The following PCDHA13 variants were observed in gnomAD, a reference collection of about 807,000 sequenced individuals.
The protein encoded by PCDHA13 is protocadherin alpha 13.
PCDHA13 carries 54 observed loss-of-function variants against 64.8 expected under a neutral mutation model. The observed-to-expected ratio is 0.83, with a 90% CI of 0.67 to 1.04. PCDHA13 has a LOEUF of 1.04. Ranked by LOEUF, PCDHA13 falls within the 50% of genes least tolerant of loss-of-function variation. The pLI is 0.00. For synonymous variants in PCDHA13, 587 were observed against 564.4 expected (o/e 1.04, Z -0.57); for missense variants, 1,248 against 1,254.3 (o/e 0.99, Z 0.08).
intron 1 of PCDHA13, chr5:140,966,708 C>T (rs1033433543): frequency 1.7e-5 from 23 of 1,384,632 alleles, no homozygotes; most frequent in African/African-American, 6.1e-5. Context: ...GCGTGGGGCA[C>T]GGCTGGGGAA....
At chr5:140,992,950 C>T (rs1435932636) in intron 3 of PCDHA13, among the ~76,000 whole-genome samples, 1 of 152,216 alleles carries the variant, frequency 6.6e-6, no homozygotes, top group East Asian at 1.9e-4. Context: ...GAGATTAAAT[C>T]ACCCCTTATA....
At chr5:140,998,122 A>G (rs2097797315) in intron 3 of PCDHA13, among the ~76,000 whole-genome samples, 1 of 152,214 alleles carries the variant, frequency 6.6e-6, no homozygotes, top group Admixed American at 6.5e-5. Flanking sequence ...TTACTTGTGA[A>G]TCATAATAGC....
chr5:140,942,310 C>T (rs782391809), intron 1 of PCDHA13, among the ~76,000 whole-genome samples: 14 of 151,402 alleles, frequency 9.2e-5, no homozygotes, highest in East Asian at 1.9e-4. Flanking sequence ...CTTGGGAGGT[C>T]GAGGCACAAG....
chr5:140,984,458 C>T (rs1363789281), intron 3 of PCDHA13, among the ~76,000 whole-genome samples: 2 of 152,140 alleles, frequency 1.3e-5, no homozygotes, highest in African/African-American at 4.8e-5. Flanking sequence ...CTTACTGTCC[C>T]AGCCCCTCTT....
Position 140,968,579 on chromosome 5 carries a change from A to G in PCDHA13, c.2395-10370A>G, listed in dbSNP as rs1554230883. On this transcript the variant is annotated intron_variant, in intron 1 of 3. Coordinates refer to ENST00000289272, the MANE Select transcript of PCDHA13 (RefSeq NM_018904.3). ...AACTGCCCCTGCTGGCTACCTGGTCACCAAAGTCATAGCTATGGACTCAGA... is the reference window on the plus strand; with the variant it reads ...AACTGCCCCTGCTGGCTACCTGGTCGCCAAAGTCATAGCTATGGACTCAGA... 6 of 1,614,182 alleles carry G rather than the reference A, an allele frequency of 3.7e-6. No homozygotes were observed. The highest frequency in any genetic ancestry group is 5.1e-6 in the Non-Finnish European group (6 of 1,180,042).
Position 140,882,931 on chromosome 5 carries a change from G to A in PCDHA13, c.663G>A (p.Glu221=). The A allele has an allele frequency of 6.2e-7, 1 of 1,614,206 alleles. No individual in the cohort carries two copies. The change falls in exon 1 of 4, where the codon GAG becomes GAA. Residue 221 remains glutamate (E), a synonymous_variant. Transcript: ENST00000289272. The part of the protein sequence containing the change: ...LLTASDGGKP[E]LTGTVQLLIT... ...CAGCCAGTGATGGAGGTAAACCCGAGCTGACTGGCACAGTTCAGCTGCTCA... is the reference window on the plus strand; with the variant it reads ...CAGCCAGTGATGGAGGTAAACCCGAACTGACTGGCACAGTTCAGCTGCTCA...
rs2060314464 is a variant in PCDHA13, at chr5:140,884,681, A to G, written c.2394+19A>G. The G allele has an allele frequency of 6.5e-7, 1 of 1,546,928 alleles. No individual in the cohort carries two copies. Among genetic ancestry groups the G allele is most frequent in the Non-Finnish European group, 8.7e-7 (1 of 1,147,860 alleles). On this transcript the variant is annotated intron_variant, in intron 1 of 3. Coordinates refer to ENST00000289272, the MANE Select transcript of PCDHA13 (RefSeq NM_018904.3). ...GAAAGAGGTAAGCTTATATTTTAAAAAATTGTCTTAGTAAACACTTTAGCC... is the reference window on the plus strand; with the variant it reads ...GAAAGAGGTAAGCTTATATTTTAAAGAATTGTCTTAGTAAACACTTTAGCC...
intron 3 of PCDHA13, among the ~76,000 whole-genome samples, chr5:140,995,650 A>T (rs1166713964): frequency 6.6e-6 from 1 of 152,182 alleles, no homozygotes; most frequent in Non-Finnish European, 1.5e-5. Context: ...GAAAAGGAGA[A>T]TCGAAAAGGG....
chr5:140,996,785 C>G (rs1423473534), intron 3 of PCDHA13, among the ~76,000 whole-genome samples: 2 of 152,148 alleles, frequency 1.3e-5, no homozygotes, highest in Admixed American at 6.5e-5. Context: ...TAGTGCCTCA[C>G]TCCCTACATC....
At chr5:140,923,877 C>T (rs555626217) in intron 1 of PCDHA13, among the ~76,000 whole-genome samples, 5 of 152,284 alleles carry the variant, frequency 3.3e-5, no homozygotes, top group East Asian at 1.9e-4. Flanking sequence ...ATCTGAGAAG[C>T]GTGTGAAAGA....
At chr5:140,891,371 T>C (rs1483919316) in intron 1 of PCDHA13, among the ~76,000 whole-genome samples, 1 of 152,146 alleles carries the variant, frequency 6.6e-6, no homozygotes, top group Non-Finnish European at 1.5e-5. Flanking sequence ...CAGTATACAT[T>C]GCACCATATT....
chr5:140,976,545 T>C (rs781810490), intron 1 of PCDHA13, among the ~76,000 whole-genome samples: 1 of 152,078 alleles, frequency 6.6e-6, no homozygotes, highest in Non-Finnish European at 1.5e-5. Flanking sequence ...AGTAAGACCC[T>C]ATCTCATAAA....
chr5:140,983,207 T>A (rs999147697), intron 3 of PCDHA13, among the ~76,000 whole-genome samples: 1 of 152,236 alleles, frequency 6.6e-6, no homozygotes, highest in Non-Finnish European at 1.5e-5. Flanking sequence ...TAATAGGGAC[T>A]ATTTCCTAAT....
chr5:140,981,943 G>A (rs1207723761), intron 2 of PCDHA13, among the ~76,000 whole-genome samples: 2 of 152,116 alleles, frequency 1.3e-5, no homozygotes, highest in Non-Finnish European at 2.9e-5. Flanking sequence ...GGAAATATAG[G>A]GTGGGTCATC....
chr5:140,927,357 C>A, intron 1 of PCDHA13: 1 of 1,614,052 alleles, frequency 6.2e-7, no homozygotes, highest in South Asian at 1.1e-5. Context: ...ACGAGGGAAG[C>A]AATGGGATAC....
At chr5:140,893,763 TG>T (rs1554185760) in intron 1 of PCDHA13, among the ~76,000 whole-genome samples, 1 of 152,156 alleles carries the variant, frequency 6.6e-6, no homozygotes, top group African/African-American at 2.4e-5. Flanking sequence ...ATAGGTGACT[TG>T]TCACTTTTCT....
chr5:140,996,412 A>G (rs563756317), intron 3 of PCDHA13, among the ~76,000 whole-genome samples: 1 of 152,332 alleles, frequency 6.6e-6, no homozygotes, highest in Admixed American at 6.5e-5. Context: ...TGGGGCAGGC[A>G]GTGTGAAAAC....
At chr5:140,925,420 G>C (rs1332055982) in intron 1 of PCDHA13, among the ~76,000 whole-genome samples, 2 of 152,102 alleles carry the variant, frequency 1.3e-5, no homozygotes, top group Non-Finnish European at 2.9e-5. Flanking sequence ...AAAGGAACTG[G>C]TTGTAGGGTG....
chr5:140,935,393 C>T (rs1213341467), intron 1 of PCDHA13, among the ~76,000 whole-genome samples: 2 of 152,166 alleles, frequency 1.3e-5, no homozygotes, highest in Admixed American at 6.5e-5. Context: ...TGTTATCCCA[C>T]GGGACTCAAA....
Sources: gnomAD v4.1 joint callset for allele counts (sites outside exome capture counted in the v4.1 genomes callset) on GRCh38, gnomAD v4.1.1 for gene constraint, MANE v1.5 for transcripts, NCBI Gene and HGNC (gene_info 2026-07-23, HGNC 2026-07-21) for gene names.